The following PRUNE2 variants were observed in gnomAD, a reference collection of about 807,000 sequenced individuals.
PRUNE2 encodes protein prune homolog 2.
PRUNE2 carries 164 observed loss-of-function variants against 252.0 expected under a neutral mutation model. The ratio of observed to expected loss-of-function variants is 0.65; its 90% CI spans 0.57 to 0.74. PRUNE2 has a LOEUF of 0.74. Ranked by LOEUF, PRUNE2 falls within the 30% of genes least tolerant of loss-of-function variation. The probability of loss-of-function intolerance (pLI) is 0.00; values close to 1 mark genes in which losing one functional copy is unlikely to be tolerated. For synonymous variants in PRUNE2, 1,292 were observed against 1,350.2 expected, an observed-to-expected ratio of 0.96 and a Z score of 0.94; for missense variants, 3,495 against 3,711.0, an observed-to-expected ratio of 0.94 and a Z score of 1.51.
intron 6 of PRUNE2, among the ~76,000 whole-genome samples, chr9:76,717,038 A>G (rs528585453): frequency 6.6e-6 from 1 of 152,350 alleles, no homozygotes; most frequent in East Asian, 1.9e-4. Flanking sequence ...ATGTCCCTCA[A>G]GTGCTCTAGC....
At chr9:76,614,839 C>G (rs565940293) in intron 18 of PRUNE2, among the ~76,000 whole-genome samples, 1 of 152,236 alleles carries the variant, frequency 6.6e-6, no homozygotes, top group African/African-American at 2.4e-5. Context: ...CATTTTACAC[C>G]TTTTCAAAAT....
Position 76,644,668 on chromosome 9 carries a change from A to G in PRUNE2, c.8728+71T>C, listed in dbSNP as rs972293645. 2.1e-6 allele frequency: 3 copies of G among 1,441,654 alleles called. No individual in the cohort carries two copies. The African/African-American group carries it at 4.2e-5, about 20-fold the overall frequency. The allele number at this position is 1,441,654 out of a possible 1,614,324, so 89.3% of individuals were successfully genotyped here. On this transcript the variant is annotated intron_variant, in intron 12 of 18. Coordinates refer to ENST00000376718, the MANE Select transcript of PRUNE2 (RefSeq NM_015225.3). Reference sequence around the variant, plus strand: ...GATGTCATGTTCCGGAGAAGTCTAGACTCACTTCATGATTTTAAATAAAAT... The same window carrying G: ...GATGTCATGTTCCGGAGAAGTCTAGGCTCACTTCATGATTTTAAATAAAAT...
intron 15 of PRUNE2, among the ~76,000 whole-genome samples, chr9:76,630,968 T>C (rs957518202): frequency 2.0e-5 from 3 of 152,282 alleles, no homozygotes; most frequent in African/African-American, 2.4e-5. Flanking sequence ...TATTACCTTG[T>C]GTTCAACTAC....
chr9:76,699,124 T>C (rs1007031986), intron 9 of PRUNE2, among the ~76,000 whole-genome samples: 7 of 148,826 alleles, frequency 4.7e-5, no homozygotes, highest in African/African-American at 1.7e-4. Flanking sequence ...CTCAATCCTC[T>C]TGGAAATGAT....
chr9:76,887,011 GCTGT>G (rs2062142705), intron 1 of PRUNE2, among the ~76,000 whole-genome samples: 1 of 152,140 alleles, frequency 6.6e-6, no homozygotes, highest in African/African-American at 2.4e-5. Context: ...CTTTACATAT[GCTGT>G]CTAACTTTAT....
chr9:76,884,747 T>C (rs2061990165), intron 1 of PRUNE2, among the ~76,000 whole-genome samples: 1 of 152,260 alleles, frequency 6.6e-6, no homozygotes, highest in African/African-American at 2.4e-5. Flanking sequence ...CTCAAAATCC[T>C]GGAGTCCCTA....
intron 9 of PRUNE2, among the ~76,000 whole-genome samples, chr9:76,693,896 C>T (rs1043508432): frequency 1.5e-4 from 23 of 152,168 alleles, no homozygotes; most frequent in African/African-American, 4.6e-4. Flanking sequence ...ATGAAGGAGA[C>T]GGGGGTGGGG....
chr9:76,773,402 T>G (rs1049638893), intron 6 of PRUNE2, among the ~76,000 whole-genome samples: 5 of 152,022 alleles, frequency 3.3e-5, no homozygotes, highest in African/African-American at 1.2e-4. Flanking sequence ...TGTAATACAT[T>G]CATCCCGCAG....
intron 6 of PRUNE2, among the ~76,000 whole-genome samples, chr9:76,729,183 G>C (rs1012619284): frequency 2.6e-5 from 4 of 152,110 alleles, no homozygotes; most frequent in Admixed American, 2.6e-4. Context: ...TGGAGCAATG[G>C]GTTCTCCAGG....
chr9:76,642,031 AAAG>A, intron 12 of PRUNE2: 1 of 1,215,128 alleles, frequency 8.2e-7, no homozygotes, highest in Non-Finnish European at 1.1e-6. Flanking sequence ...AAGAAAAAGA[AAAG>A]AAACTCCTTG....
At chr9:76,684,853 G>A (rs945054913) in intron 9 of PRUNE2, among the ~76,000 whole-genome samples, 2 of 152,044 alleles carry the variant, frequency 1.3e-5, no homozygotes, top group Admixed American at 6.5e-5. Flanking sequence ...CCGAGTTCAA[G>A]CAATTCTTCT....
chr9:76,810,745 G>C (rs575941893), intron 6 of PRUNE2, among the ~76,000 whole-genome samples: 2 of 151,920 alleles, frequency 1.3e-5, no homozygotes, highest in Admixed American at 1.3e-4. Flanking sequence ...TCATTTTAGC[G>C]TGTACTAAAA....
intron 9 of PRUNE2, among the ~76,000 whole-genome samples, chr9:76,696,388 C>G (rs1253157836): frequency 6.6e-6 from 1 of 152,130 alleles, no homozygotes; most frequent in Non-Finnish European, 1.5e-5. Flanking sequence ...CTCCTACTTT[C>G]TCCATTTTGC....
At chr9:76,791,705 T>C (rs1825505512) in intron 6 of PRUNE2, among the ~76,000 whole-genome samples, 1 of 152,156 alleles carries the variant, frequency 6.6e-6, no homozygotes, top group Admixed American at 6.5e-5. Context: ...CCACGGGGCA[T>C]CCACTGATCA....
rs549505153 is a variant in PRUNE2 at position 76,611,530 on chromosome 9, T to C, written c.*3040A>G. ...TTATTCTGAGCAATCCAATGCATGA[T>C]AGAAAAACCTTTAGATATATAAAAG... On this transcript the variant is annotated 3_prime_UTR_variant, in exon 19 of 19. Coordinates refer to ENST00000376718, the MANE Select transcript of PRUNE2 (RefSeq NM_015225.3). The C allele has an allele frequency of 6.6e-6, 1 of 152,360 alleles. No individual in the cohort carries two copies. Among genetic ancestry groups the C allele is most frequent in the East Asian group, 1.9e-4 (1 of 5,196 alleles). 9.4% of individuals were successfully genotyped at this position (152,360 alleles called of 1,614,324 possible).
At chr9:76,848,341 G>A (rs1158200276) in intron 3 of PRUNE2, among the ~76,000 whole-genome samples, 2 of 152,168 alleles carry the variant, frequency 1.3e-5, no homozygotes, top group Non-Finnish European at 2.9e-5. Context: ...ATTGAAGTCA[G>A]TCAAATAAAC....
intron 9 of PRUNE2, among the ~76,000 whole-genome samples, chr9:76,670,733 G>A (rs1453655346): frequency 1.3e-5 from 2 of 151,738 alleles, no homozygotes; most frequent in African/African-American, 2.4e-5. Context: ...TCCTCAAGTG[G>A]GTCCCTGACC....
intron 9 of PRUNE2, among the ~76,000 whole-genome samples, chr9:76,671,384 C>T (rs906209624): frequency 4.7e-5 from 7 of 149,638 alleles, no homozygotes; most frequent in African/African-American, 1.7e-4. Flanking sequence ...GCAAAGCCTC[C>T]AAGAAATATG....
chr9:76,724,189 T>C (rs2047894964), intron 6 of PRUNE2, among the ~76,000 whole-genome samples: 1 of 147,352 alleles, frequency 6.8e-6, no homozygotes, highest in African/African-American at 2.5e-5. Flanking sequence ...CTGGGTGCGG[T>C]GGCTCATGCT....
Sources: allele counts gnomAD v4.1 joint callset (sites outside exome capture counted in the v4.1 genomes callset), GRCh38; gene constraint gnomAD v4.1.1; transcripts MANE v1.5; gene names NCBI Gene and HGNC (gene_info 2026-07-23, HGNC 2026-07-21).